Variants in DKK2 observed in about 807,000 individuals in gnomAD.
DKK2 encodes dickkopf-related protein 2.
In DKK2, 11 loss-of-function variants were observed where a neutral mutation model predicts 28.1. The observed-to-expected ratio is 0.39, with a 90% CI of 0.25 to 0.65. DKK2 has a LOEUF of 0.65. Among genes scored for constraint, DKK2 ranks in the 30% least tolerant of loss-of-function variants. The probability of loss-of-function intolerance (pLI) is 0.47; values close to 1 mark genes in which losing one functional copy is unlikely to be tolerated. For missense variants in DKK2, 326 were observed against 335.5 expected, an observed-to-expected ratio of 0.97 and a Z score of 0.22; for synonymous variants, 135 against 126.5, an observed-to-expected ratio of 1.07 and a Z score of -0.45.
chr4:106,963,181 C>T (rs1428635142), intron 1 of DKK2, among the ~76,000 whole-genome samples: 6 of 151,810 alleles, frequency 4.0e-5, no homozygotes, highest in South Asian at 4.2e-4. Context: ...AGTGAAAACC[C>T]GTCTCTACTA....
In DKK2 at chr4:107,035,449, C is replaced by T; in HGVS notation, c.143G>A (p.Gly48Asp). 6.2e-7 allele frequency: 1 copy of T among 1,614,188 alleles called. No individual in the cohort carries two copies. Among genetic ancestry groups the T allele is most frequent in the Non-Finnish European group, 8.5e-7 (1 of 1,180,040 alleles). ...GCCCGCAGATCGATTGGCGGCCTGACCAGGCGTCTCCCCGCCCAGAGAGGA... is the reference window on the plus strand; with the variant it reads ...GCCCGCAGATCGATTGGCGGCCTGATCAGGCGTCTCCCCGCCCAGAGAGGA... ...IKSSLGGETP[G>D]QAANRSAGMY... is the part of the protein sequence containing the mutation. Residue 48 changes from glycine to aspartate, a missense_variant, in exon 1 of 4, where the codon GGT (glycine) becomes GAT (aspartate). Coordinates refer to ENST00000285311, the MANE Select transcript of DKK2 (RefSeq NM_014421.3).
chr4:107,024,346 G>A (rs181782507), intron 1 of DKK2, among the ~76,000 whole-genome samples: 1 of 152,104 alleles, frequency 6.6e-6, no homozygotes, highest in African/African-American at 2.4e-5. Flanking sequence ...AAAGCTGTTT[G>A]TAGCCTGCCT....
chr4:107,034,025 A>G (rs1161220778), intron 1 of DKK2, among the ~76,000 whole-genome samples: 1 of 152,106 alleles, frequency 6.6e-6, no homozygotes, highest in African/African-American at 2.4e-5. Context: ...TAATCCCTTG[A>G]AAGGATAGCT....
chr4:107,019,943 C>T (rs1290492311), intron 1 of DKK2, among the ~76,000 whole-genome samples: 6 of 152,074 alleles, frequency 3.9e-5, no homozygotes, highest in Admixed American at 3.3e-4. Flanking sequence ...ATATCCAGAA[C>T]ATCTTGGTCC....
intron 1 of DKK2, among the ~76,000 whole-genome samples, chr4:106,991,251 G>T (rs1723199110): frequency 1.3e-5 from 2 of 152,036 alleles, no homozygotes; most frequent in South Asian, 4.1e-4. Flanking sequence ...AATTGCCCAG[G>T]TTTGTACACC....
chr4:106,933,789 C>T (rs1256957926), intron 1 of DKK2, among the ~76,000 whole-genome samples: 2 of 152,002 alleles, frequency 1.3e-5, no homozygotes, highest in African/African-American at 4.8e-5. Flanking sequence ...GATATGAAAA[C>T]ATACTTTCAA....
At chr4:107,022,899 G>T (rs1259165117) in intron 1 of DKK2, among the ~76,000 whole-genome samples, 2 of 152,046 alleles carry the variant, frequency 1.3e-5, no homozygotes, top group African/African-American at 2.4e-5. Context: ...TTGGTCAAAT[G>T]GTTGGGTGGC....
chr4:106,958,576 C>T lies in DKK2; in HGVS notation c.223-32627G>A, dbSNP rs567485853. Among the ~76,000 whole-genome samples the T allele has an allele frequency of 5.3e-5, 8 of 151,964 alleles. No individual in the cohort carries two copies. In the South Asian group the frequency reaches 1.5e-3, roughly 28 times the overall value. ...GTGCTGGGATTACGATGGTTCATGC[C>T]TGTAATCCCAGCAGTTTGAGAGGCC... is the stretch of plus-strand genomic sequence containing the variant. On this transcript the variant is annotated intron_variant, in intron 1 of 3. Coordinates refer to ENST00000285311, the MANE Select transcript of DKK2 (RefSeq NM_014421.3).
intron 1 of DKK2, among the ~76,000 whole-genome samples, chr4:107,012,802 T>C (rs1723535192): frequency 6.6e-6 from 1 of 151,208 alleles, no homozygotes; most frequent in African/African-American, 2.4e-5. Flanking sequence ...GAGGATGTAC[T>C]CAGAGGTATC....
Position 106,925,953 on chromosome 4 carries a change from T to A in DKK2, c.223-4A>T. 1 of 1,597,620 alleles carries A rather than the reference T, an allele frequency of 6.3e-7. No individual in the cohort carries two copies. Among genetic ancestry groups the A allele is most frequent in the South Asian group, 1.1e-5 (1 of 88,594 alleles). On this transcript the variant is annotated splice_region_variant and splice_polypyrimidine_tract_variant and intron_variant, in intron 1 of 3. Transcript: ENST00000285311. ...TATCACTGCTACAAGGGTAGGCCTGTCATCAAGTGGAACAACACCAGAAGT... is the reference window on the plus strand; with the variant it reads ...TATCACTGCTACAAGGGTAGGCCTGACATCAAGTGGAACAACACCAGAAGT...
intron 1 of DKK2, among the ~76,000 whole-genome samples, chr4:106,985,785 C>T (rs1723107592): frequency 7.1e-6 from 1 of 141,788 alleles, no homozygotes; most frequent in African/African-American, 2.7e-5. Context: ...CATTGTTCTC[C>T]AGCTTGGATG....
chr4:106,990,956 A>C (rs1159829167), intron 1 of DKK2, among the ~76,000 whole-genome samples: 1 of 152,110 alleles, frequency 6.6e-6, no homozygotes, highest in African/African-American at 2.4e-5. Flanking sequence ...CAATAGCTCG[A>C]ATATTTTGAA....
chr4:107,007,106 A>G (rs1723448747), intron 1 of DKK2, among the ~76,000 whole-genome samples: 1 of 152,160 alleles, frequency 6.6e-6, no homozygotes, highest in South Asian at 2.1e-4. Context: ...AAAAGCAACA[A>G]TTATAGAAAG....
intron 1 of DKK2, among the ~76,000 whole-genome samples, chr4:106,954,016 TATA>T (rs1722542027): frequency 1.3e-5 from 2 of 152,208 alleles, no homozygotes; most frequent in Admixed American, 1.3e-4. Context: ...ACACAGTGAG[TATA>T]ATAATAACTA....
chr4:107,006,491 CAAG>C (rs1723440176), intron 1 of DKK2, among the ~76,000 whole-genome samples: 1 of 152,062 alleles, frequency 6.6e-6, no homozygotes, highest in African/African-American at 2.4e-5. Context: ...TTTTAGTAAC[CAAG>C]AAGGTTTGTT....
At chr4:107,002,259 T>C (rs185280124) in intron 1 of DKK2, among the ~76,000 whole-genome samples, 1 of 152,340 alleles carries the variant, frequency 6.6e-6, no homozygotes, top group Admixed American at 6.5e-5. Flanking sequence ...AACAAATTAT[T>C]AAAATCATTT....
intron 1 of DKK2, among the ~76,000 whole-genome samples, chr4:106,976,116 G>C (rs2110356098): frequency 6.6e-6 from 1 of 152,250 alleles, no homozygotes; most frequent in Non-Finnish European, 1.5e-5. Flanking sequence ...TGTTCGTTAT[G>C]ATTTCCATTC....
At chr4:106,968,458 G>C (rs527241940) in intron 1 of DKK2, among the ~76,000 whole-genome samples, 2 of 152,058 alleles carry the variant, frequency 1.3e-5, no homozygotes, top group Non-Finnish European at 2.9e-5. Context: ...TCATGTGAAC[G>C]TGTGTGTGTA....
intron 1 of DKK2, among the ~76,000 whole-genome samples, chr4:106,982,886 T>C (rs1360981888): frequency 1.1e-5 from 1 of 92,022 alleles, no homozygotes; most frequent in African/African-American, 4.2e-5. Flanking sequence ...AAAAAAAAAA[T>C]CAATGGAGAA....
Sources: allele counts gnomAD v4.1 joint callset (sites outside exome capture counted in the v4.1 genomes callset), GRCh38; gene constraint gnomAD v4.1.1; transcripts MANE v1.5; gene names NCBI Gene and HGNC (gene_info 2026-07-23, HGNC 2026-07-21).